The following ZGPAT variants were observed in gnomAD, a reference collection of about 807,000 sequenced individuals.
ZGPAT encodes zinc finger CCCH-type and G-patch domain containing.
In ZGPAT, 39 loss-of-function variants were observed where a neutral mutation model predicts 47.9. The ratio of observed to expected loss-of-function variants is 0.81; its 90% CI spans 0.63 to 1.06. ZGPAT has a LOEUF of 1.06. Among genes scored for constraint, ZGPAT ranks in the 50% least tolerant of loss-of-function variants. The pLI is 0.00. For synonymous variants in ZGPAT, 348 were observed against 292.9 expected (o/e 1.19, Z -1.92); for missense variants, 717 against 681.4 (o/e 1.05, Z -0.58).
rs73319749 is a variant in ZGPAT, at chr20:63,724,764, C to G, written c.585-8455C>G. On this transcript the variant is annotated intron_variant, in intron 2 of 6. Coordinates refer to ENST00000355969, the MANE Select transcript of ZGPAT (RefSeq NM_181485.3). ...TCTCAGATCACTGCAACCTCTGCCT[C>G]CCTGGTTAGAGTGATTTTCCTGCCT... is the stretch of plus-strand genomic sequence containing the variant. Among the ~76,000 whole-genome samples, 303 of 150,514 alleles carry G rather than the reference C, an allele frequency of 2.0e-3. 3 individuals carry two copies. Among genetic ancestry groups the G allele is most frequent in the African/African-American group, 7.3e-3 (297 of 40,902 alleles).
chr20:63,725,477 A>C (rs1182697774), intron 2 of ZGPAT, among the ~76,000 whole-genome samples: 2 of 152,154 alleles, frequency 1.3e-5, no homozygotes, highest in South Asian at 4.1e-4. Context: ...TCATCTGTCA[A>C]ATTGTCCCTT....
At chr20:63,714,741 CAG>C (rs1330397900) in intron 2 of ZGPAT, among the ~76,000 whole-genome samples, 1 of 151,882 alleles carries the variant, frequency 6.6e-6, no homozygotes, top group Non-Finnish European at 1.5e-5. Flanking sequence ...TTCCTGGGCT[CAG>C]GGGATCCTCC....
At chr20:63,734,647 G>A (rs1366321479) in intron 4 of ZGPAT, 58 bp from the exon 5 acceptor site, 5 of 1,598,624 alleles carry the variant, frequency 3.1e-6, no homozygotes, top group Non-Finnish European at 4.3e-6. Flanking sequence ...TCTTGCAGTG[G>A]TGGGGTCGGA....
At chr20:63,728,040 T>TC (rs1221909443) in intron 2 of ZGPAT, among the ~76,000 whole-genome samples, 2 of 150,126 alleles carry the variant, frequency 1.3e-5, no homozygotes, top group South Asian at 4.2e-4. Context: ...TTAAATTCTT[T>TC]TTTTTTTTTT....
At chr20:63,725,014 C>T (rs1286293418) in intron 2 of ZGPAT, among the ~76,000 whole-genome samples, 9 of 136,788 alleles carry the variant, frequency 6.6e-5, no homozygotes, top group South Asian at 2.3e-4. Context: ...GATGGGGTCT[C>T]GCTCTTGTTT....
chr20:63,727,826 T>C (rs1038957985), intron 2 of ZGPAT, among the ~76,000 whole-genome samples: 1 of 152,158 alleles, frequency 6.6e-6, no homozygotes, highest in Non-Finnish European at 1.5e-5. Flanking sequence ...AACTGCTTTT[T>C]TTCCTAAATA....
chr20:63,732,174 CAT>C (rs1168063974), intron 2 of ZGPAT, among the ~76,000 whole-genome samples: 4 of 146,638 alleles, frequency 2.7e-5, no homozygotes. Context: ...TGGGTGACTG[CAT>C]ATGTGTGTGC....
chr20:63,733,162 T>C, intron 2 of ZGPAT, 57 bp from the exon 3 acceptor site: 1 of 1,589,436 alleles, frequency 6.3e-7, no homozygotes, highest in Non-Finnish European at 8.6e-7. Context: ...TGCTCCTGGG[T>C]TGGTTTGCCC....
At chr20:63,723,779 GA>G (rs971516210) in intron 2 of ZGPAT, among the ~76,000 whole-genome samples, 46 of 152,338 alleles carry the variant, frequency 3.0e-4, no homozygotes, top group Admixed American at 2.8e-3. Flanking sequence ...AAAGTATTTT[GA>G]AAGAAGTTGC....
chr20:63,724,363 TAAAAAAAAAAAA>T (rs59890523), intron 2 of ZGPAT, among the ~76,000 whole-genome samples: 1 of 124,672 alleles, frequency 8.0e-6, no homozygotes, highest in Non-Finnish European at 1.6e-5. Context: ...AGACTCTGCC[TAAAAAAAAAAAA>T]AAAAAGAAAA....
rs2091963666 is a variant in ZGPAT at position 63,734,948 on chromosome 20, C to G, written c.991+124C>G. Reference sequence around the variant, plus strand: ...CAGGGTCCCGCAGCCACAGCACTGCCATCCCCGTGCTCCTCAGATTCCCGG... The same window carrying G: ...CAGGGTCCCGCAGCCACAGCACTGCGATCCCCGTGCTCCTCAGATTCCCGG... On this transcript the variant is annotated intron_variant, in intron 5 of 6. Coordinates refer to ENST00000355969, the MANE Select transcript of ZGPAT (RefSeq NM_181485.3). The G allele has an allele frequency of 2.2e-6, 3 of 1,365,600 alleles. No individual in the cohort carries two copies. In the East Asian group the frequency reaches 7.7e-5, roughly 35 times the overall value. The allele number at this position is 1,365,600 out of a possible 1,614,324, so 84.6% of individuals were successfully genotyped here.
chr20:63,736,006 C>T lies in ZGPAT; in HGVS notation c.*87C>T. ...CAGTGTTGCCCGAGGAGGGGCCGGC[C>T]TGCTGGCCTGGGGCGTGCAGACACT... On this transcript the variant is annotated 3_prime_UTR_variant, in exon 7 of 7. Coordinates refer to ENST00000355969, the MANE Select transcript of ZGPAT (RefSeq NM_181485.3). 4 of 1,538,802 alleles carry T rather than the reference C, an allele frequency of 2.6e-6. No homozygotes were observed. The highest frequency in any genetic ancestry group is 3.8e-5 in the Admixed American group (2 of 52,772).
intron 2 of ZGPAT, among the ~76,000 whole-genome samples, chr20:63,720,638 G>C (rs1361037319): frequency 6.6e-6 from 1 of 151,718 alleles, no homozygotes; most frequent in Non-Finnish European, 1.5e-5. Context: ...TACTGTTTTA[G>C]ACACAGGGTC....
chr20:63,717,345 T>C (rs1464348515), intron 2 of ZGPAT, among the ~76,000 whole-genome samples: 173 of 139,668 alleles, frequency 1.2e-3, no homozygotes, highest in African/African-American at 4.4e-3. Context: ...TTTTTTTTTT[T>C]TTTTTTTTTT....
Position 63,708,985 on chromosome 20 carries a change from C to T in ZGPAT, c.405C>T (p.Ser135=). 1 of 1,613,456 alleles carries T rather than the reference C, an allele frequency of 6.2e-7. No individual in the cohort carries two copies. The highest frequency in any genetic ancestry group is 1.1e-5 in the South Asian group (1 of 91,078). ...DEEELSGTKV[S]APYYSSWGTL... is the part of the protein sequence containing the mutation. ...AAGAGCTGAGTGGGACAAAGGTGAGCGCGCCCTACTACAGCTCCTGGGGCA... is the reference window on the plus strand; with the variant it reads ...AAGAGCTGAGTGGGACAAAGGTGAGTGCGCCCTACTACAGCTCCTGGGGCA... The change falls in exon 2 of 7, where the codon AGC becomes AGT. Residue 135 remains serine, a synonymous_variant. Coordinates refer to ENST00000355969, the MANE Select transcript of ZGPAT (RefSeq NM_181485.3).
chr20:63,731,589 T>C (rs535388734), intron 2 of ZGPAT, among the ~76,000 whole-genome samples: 30 of 150,480 alleles, frequency 2.0e-4, no homozygotes, highest in Middle Eastern at 6.9e-3. Flanking sequence ...TGCATACATG[T>C]GTAAAGTGTA....
In ZGPAT at chr20:63,734,936, C is replaced by T. The variant is rs897289323; in HGVS notation, c.991+112C>T. ...CCATCGGGTTCCCAGGGTCCCGCAG[C>T]CACAGCACTGCCATCCCCGTGCTCC... is the stretch of plus-strand genomic sequence containing the variant. On this transcript the variant is annotated intron_variant, in intron 5 of 6. Coordinates refer to ENST00000355969, the MANE Select transcript of ZGPAT (RefSeq NM_181485.3). 22 of 1,398,636 alleles carry T rather than the reference C, an allele frequency of 1.6e-5. 1 individual carries two copies. In the South Asian group the frequency reaches 3.1e-4, roughly 20 times the overall value. 86.6% of individuals were successfully genotyped at this position (1,398,636 alleles called of 1,614,324 possible). A position where few individuals can be genotyped will look rare whatever the true frequency, so the allele number is the denominator to read the frequency against.
chr20:63,711,832 G>C (rs567386408), intron 2 of ZGPAT, among the ~76,000 whole-genome samples: 18 of 152,050 alleles, frequency 1.2e-4, no homozygotes, highest in Non-Finnish European at 2.5e-4. Context: ...AGGTGATCCC[G>C]CCTTGGTTTC....
chr20:63,709,867 T>A (rs565545960), intron 2 of ZGPAT, among the ~76,000 whole-genome samples: 2 of 152,096 alleles, frequency 1.3e-5, no homozygotes, highest in Admixed American at 6.6e-5. Flanking sequence ...TATAATTTTT[T>A]ATCTTTTTTT....
Sources: allele counts gnomAD v4.1 joint callset (sites outside exome capture counted in the v4.1 genomes callset), GRCh38; gene constraint gnomAD v4.1.1; transcripts MANE v1.5; gene names NCBI Gene and HGNC (gene_info 2026-07-23, HGNC 2026-07-21).